Variants in CACNG2 observed in about 807,000 individuals in gnomAD.
CACNG2 encodes calcium voltage-gated channel auxiliary subunit gamma 2.
In CACNG2, 3 loss-of-function variants were observed where a neutral mutation model predicts 25.9. The observed-to-expected ratio is 0.12, with a 90% confidence interval of 0.05 to 0.30. CACNG2 has a LOEUF of 0.30. Ranked by LOEUF, CACNG2 falls within the 10% of genes least tolerant of loss-of-function variation. The pLI is 1.00. For synonymous variants in CACNG2, 167 were observed against 173.3 expected, an observed-to-expected ratio of 0.96 and a Z score of 0.29; for missense variants, 341 against 432.5, an observed-to-expected ratio of 0.79 and a Z score of 1.88.
At chr22:36,694,396 G>C (rs55993094) in intron 1 of CACNG2, among the ~76,000 whole-genome samples, 1 of 152,208 alleles carries the variant, frequency 6.6e-6, no homozygotes, top group Non-Finnish European at 1.5e-5. Flanking sequence ...AGGACTGGGG[G>C]CTGGCTAGGC....
At chr22:36,572,516 A>G (rs1194419622) in intron 2 of CACNG2, among the ~76,000 whole-genome samples, 1 of 152,204 alleles carries the variant, frequency 6.6e-6, no homozygotes, top group Non-Finnish European at 1.5e-5. Context: ...AGCATGGCCA[A>G]TATGGCGAAA....
intron 1 of CACNG2, among the ~76,000 whole-genome samples, chr22:36,619,289 G>A (rs781567909): frequency 7.2e-5 from 11 of 152,180 alleles, no homozygotes; most frequent in African/African-American, 1.7e-4. Context: ...ACCGCAGGAT[G>A]ACAGAGTTTA....
intron 1 of CACNG2, among the ~76,000 whole-genome samples, chr22:36,644,634 CTT>C (rs1185144598): frequency 1.3e-5 from 2 of 152,174 alleles, no homozygotes; most frequent in Non-Finnish European, 2.9e-5. Context: ...GGCTGAATGA[CTT>C]TGGCAAATTT....
chr22:36,581,226 G>T (rs1228092328), intron 2 of CACNG2, among the ~76,000 whole-genome samples: 1 of 152,146 alleles, frequency 6.6e-6, no homozygotes, highest in Non-Finnish European at 1.5e-5. Flanking sequence ...AATCCATATT[G>T]GTCATGGCTT....
At position 36,606,273 on chromosome 22, in the gene CACNG2, G is replaced by A. The variant is rs555468551; in HGVS notation, c.212-18725C>T. 3.7e-4 allele frequency among the ~76,000 whole-genome samples: 56 copies of A among 152,358 alleles called. 1 individual carries two copies. The highest frequency in any genetic ancestry group is 1.3e-3 in the African/African-American group (52 of 41,578). On this transcript the variant is annotated intron_variant, in intron 1 of 3. Coordinates refer to ENST00000300105, the MANE Select transcript of CACNG2 (RefSeq NM_006078.5). This position sits in a 1 kb window ranked among gnomAD's most constrained non-coding sequence, Gnocchi z 5.7. ...CCCAGAATGAAACCACAAGGGCAGC[G>A]AGGGCGTTGGCTGGTCGCCGGGAAC...
intron 1 of CACNG2, among the ~76,000 whole-genome samples, chr22:36,651,904 C>T (rs1369534705): frequency 1.3e-5 from 2 of 152,212 alleles, no homozygotes; most frequent in South Asian, 2.1e-4. Flanking sequence ...CGCTCTGTTG[C>T]CCAGGTTGGA....
chr22:36,627,199 G>T (rs540673076), intron 1 of CACNG2, among the ~76,000 whole-genome samples: 1 of 152,092 alleles, frequency 6.6e-6, no homozygotes, highest in South Asian at 2.1e-4. Flanking sequence ...CCTGGGGGAA[G>T]GAGGAAGGAG....
intron 1 of CACNG2, among the ~76,000 whole-genome samples, chr22:36,651,224 C>CTTT (rs11411019): frequency 0.011 from 947 of 83,120 alleles, 50 homozygotes; most frequent in African/African-American, 0.023. Context: ...CTTCTTCCTC[C>CTTT]TTTTTTTTTT....
At chr22:36,668,171 C>T (rs1034782914) in intron 1 of CACNG2, among the ~76,000 whole-genome samples, 1 of 152,206 alleles carries the variant, frequency 6.6e-6, no homozygotes, top group Non-Finnish European at 1.5e-5. Flanking sequence ...CCCTCCTTAT[C>T]CTTGTTTCTG....
chr22:36,693,353 T>C (rs149282181), intron 1 of CACNG2, among the ~76,000 whole-genome samples: 3 of 152,254 alleles, frequency 2.0e-5, no homozygotes, highest in African/African-American at 4.8e-5. Context: ...CTATTGTACA[T>C]CACTTACAAT....
chr22:36,673,549 G>T (rs1569048124), intron 1 of CACNG2, among the ~76,000 whole-genome samples: 1 of 152,246 alleles, frequency 6.6e-6, no homozygotes, highest in Non-Finnish European at 1.5e-5. Context: ...TCAGTGCAAA[G>T]CACCATCAGG....
chr22:36,635,562 C>T (rs1219273449), intron 1 of CACNG2, among the ~76,000 whole-genome samples: 1 of 152,114 alleles, frequency 6.6e-6, no homozygotes, highest in African/African-American at 2.4e-5. Context: ...CCTTTGATGT[C>T]ATCTGTCCCG....
chr22:36,639,652 C>A (rs1447768662), intron 1 of CACNG2, among the ~76,000 whole-genome samples: 1 of 152,196 alleles, frequency 6.6e-6, no homozygotes, highest in African/African-American at 2.4e-5. Flanking sequence ...TCTGGTTACC[C>A]CTTTCCCCTC....
rs1422053970 is a variant in CACNG2 at position 36,561,636 on chromosome 22, T to TG, written c.*2714dup. On this transcript the variant is annotated 3_prime_UTR_variant, in exon 4 of 4. Transcript: ENST00000300105. ...CCCCAGAGAGCTCAACCTCAGGAAA[T>TG]GCCGGTGTCAAGAAAAATGCAAACC... 3 of 152,366 alleles carry TG rather than the reference T, an allele frequency of 2.0e-5. No individual in the cohort carries two copies. The highest frequency in any genetic ancestry group is 7.2e-5 in the African/African-American group (3 of 41,522). 9.4% of individuals were successfully genotyped at this position (152,366 alleles called of 1,614,324 possible).
intron 1 of CACNG2, among the ~76,000 whole-genome samples, chr22:36,666,568 T>C (rs1936877651): frequency 6.6e-6 from 1 of 151,972 alleles, no homozygotes; most frequent in Admixed American, 6.6e-5. Flanking sequence ...AGTTGTAGTT[T>C]TACAAGATGA....
At chr22:36,585,243 T>A (rs565496552) in intron 2 of CACNG2, 2 of 152,228 alleles carry the variant, frequency 1.3e-5, no homozygotes, top group African/African-American at 4.8e-5. Context: ...CCAGTGACAT[T>A]GCAGCAAAGT....
chr22:36,575,604 A>G (rs1935299909), intron 2 of CACNG2, among the ~76,000 whole-genome samples: 1 of 152,106 alleles, frequency 6.6e-6, no homozygotes, highest in African/African-American at 2.4e-5. Flanking sequence ...TCTCCACGGG[A>G]CCTGAGCATG....
At chr22:36,649,361 G>A (rs932448343) in intron 1 of CACNG2, among the ~76,000 whole-genome samples, 3 of 151,834 alleles carry the variant, frequency 2.0e-5, no homozygotes, top group East Asian at 3.9e-4. Context: ...GTGTGATCTC[G>A]GCTCACTGCA....
intron 1 of CACNG2, among the ~76,000 whole-genome samples, chr22:36,662,154 G>A (rs1936808342): frequency 6.6e-6 from 1 of 150,976 alleles, no homozygotes; most frequent in Non-Finnish European, 1.5e-5. Context: ...AATTTTTTTT[G>A]TATTTTTAGT....
Sources: gnomAD v4.1 joint callset for allele counts (sites outside exome capture counted in the v4.1 genomes callset) on GRCh38, gnomAD v4.1.1 for gene constraint, Gnocchi (gnomAD v3.1) non-coding constraint, MANE v1.5 for transcripts, NCBI Gene and HGNC (gene_info 2026-07-23, HGNC 2026-07-21) for gene names.